Variants in CACNG3 observed in about 807,000 individuals in gnomAD.
The protein encoded by CACNG3 is voltage-dependent calcium channel gamma-3 subunit.
Under a neutral mutation model 28.5 loss-of-function variants are expected in CACNG3, and 3 were observed. The ratio of observed to expected loss-of-function variants is 0.11; its 90% CI spans 0.05 to 0.27. The LOEUF (loss-of-function observed/expected upper bound fraction) is 0.27. Ranked by LOEUF, CACNG3 falls within the 10% of genes least tolerant of loss-of-function variation. The pLI is 1.00. For synonymous variants in CACNG3, 174 were observed against 162.2 expected, an observed-to-expected ratio of 1.07 and a Z score of -0.55; for missense variants, 236 against 414.4, an observed-to-expected ratio of 0.57 and a Z score of 3.74.
chr16:24,331,727 C>A (rs1215585432), intron 1 of CACNG3, among the ~76,000 whole-genome samples: 1 of 152,214 alleles, frequency 6.6e-6, no homozygotes, highest in Non-Finnish European at 1.5e-5. Flanking sequence ...CACTTTCCCC[C>A]TCACTCATTC....
chr16:24,331,612 A>C (rs1320557087), intron 1 of CACNG3, among the ~76,000 whole-genome samples: 2 of 152,156 alleles, frequency 1.3e-5, no homozygotes, highest in Non-Finnish European at 2.9e-5. Context: ...ATGTGCTGAA[A>C]ACCCTCCAAA....
intron 1 of CACNG3, among the ~76,000 whole-genome samples, chr16:24,265,227 G>A (rs546959865): frequency 5.5e-5 from 8 of 144,926 alleles, no homozygotes; most frequent in South Asian, 4.2e-4. Context: ...GGGTGACAGA[G>A]TGAGACTGTG....
chr16:24,326,449 G>A (rs1180462304), intron 1 of CACNG3, among the ~76,000 whole-genome samples: 7 of 152,220 alleles, frequency 4.6e-5, no homozygotes. Flanking sequence ...GGGATTACAG[G>A]CATGAGCCAC....
At position 24,286,725 on chromosome 16, in the gene CACNG3, CA is replaced by C. The variant is rs1898900660; in HGVS notation, c.211+29764del. The stretch of plus-strand genomic sequence containing the variant: ...AGGTGCTATTACCATCCTTATTTTA[CA>C]AAAGTGGAAACTGAGGCCTGGAAAG... On this transcript the variant is annotated intron_variant, in intron 1 of 3. Transcript: ENST00000005284. 5.3e-5 allele frequency among the ~76,000 whole-genome samples: 8 copies of C among 152,174 alleles called. No individual in the cohort carries two copies. The South Asian group carries it at 1.7e-3, about 31-fold the overall frequency.
chr16:24,296,610 C>T (rs755136511), intron 1 of CACNG3, among the ~76,000 whole-genome samples: 1 of 152,190 alleles, frequency 6.6e-6, no homozygotes, highest in Non-Finnish European at 1.5e-5. Flanking sequence ...TTTCTTCCCC[C>T]TCTTCTCTTA....
intron 3 of CACNG3, among the ~76,000 whole-genome samples, chr16:24,357,218 G>A (rs997151700): frequency 2.9e-5 from 4 of 137,654 alleles, no homozygotes; most frequent in Non-Finnish European, 4.6e-5. Flanking sequence ...TGGTGACTGA[G>A]TGACACTCCA....
At chr16:24,332,058 T>A (rs1899637576) in intron 1 of CACNG3, among the ~76,000 whole-genome samples, 1 of 152,238 alleles carries the variant, frequency 6.6e-6, no homozygotes, top group Non-Finnish European at 1.5e-5. Flanking sequence ...GATCTCTCTC[T>A]GGTAGAATAT....
intron 1 of CACNG3, among the ~76,000 whole-genome samples, chr16:24,259,458 T>A (rs1376177426): frequency 6.6e-6 from 1 of 152,206 alleles, no homozygotes; most frequent in East Asian, 1.9e-4. Context: ...ATTTCTTACC[T>A]ACACCTGAGC....
chr16:24,262,938 A>T (rs1898555013), intron 1 of CACNG3, among the ~76,000 whole-genome samples: 1 of 152,224 alleles, frequency 6.6e-6, no homozygotes, highest in Admixed American at 6.5e-5. Context: ...AGAAAAAAAT[A>T]AAACAAGAAC....
chr16:24,257,226 T>G (rs779224539), intron 1 of CACNG3, among the ~76,000 whole-genome samples: 6 of 151,902 alleles, frequency 3.9e-5, no homozygotes, highest in Non-Finnish European at 8.8e-5. Flanking sequence ...TTTAGAAAAG[T>G]CTTCAAATCC....
rs572101072 is a variant in CACNG3, at chr16:24,311,581, C to T, written c.212-35153C>T. Among the ~76,000 whole-genome samples the T allele has an allele frequency of 2.0e-3, 295 of 150,924 alleles. 1 individual carries two copies. Among genetic ancestry groups the T allele is most frequent in the Non-Finnish European group, 1.9e-3 (132 of 67,884 alleles). On this transcript the variant is annotated intron_variant, in intron 1 of 3. Coordinates refer to ENST00000005284, the MANE Select transcript of CACNG3 (RefSeq NM_006539.4). Reference sequence around the variant, plus strand: ...TGATAAAGAAATTAAATGGGCCTGGCGTGGTGGCTTACACCTGTAATCCCA... The same window carrying T: ...TGATAAAGAAATTAAATGGGCCTGGTGTGGTGGCTTACACCTGTAATCCCA...
At chr16:24,285,124 T>C (rs1308085038) in intron 1 of CACNG3, among the ~76,000 whole-genome samples, 1 of 152,156 alleles carries the variant, frequency 6.6e-6, no homozygotes, top group Non-Finnish European at 1.5e-5. Flanking sequence ...TGTTCACTCC[T>C]GTGATTCACA....
intron 1 of CACNG3, among the ~76,000 whole-genome samples, chr16:24,330,984 C>T (rs1332494057): frequency 6.6e-6 from 1 of 152,134 alleles, no homozygotes; most frequent in Non-Finnish European, 1.5e-5. Context: ...TTTTTGTAAA[C>T]ATCAAATATC....
rs193199673 is a variant in CACNG3, at chr16:24,267,231, G to T, written c.211+10266G>T. 7.0e-3 allele frequency among the ~76,000 whole-genome samples: 1,058 copies of T among 152,218 alleles called. 9 individuals carry two copies. Among genetic ancestry groups the T allele is most frequent in the African/African-American group, 0.024 (987 of 41,528 alleles). On this transcript the variant is annotated intron_variant, in intron 1 of 3. Transcript: ENST00000005284. ...TCCGCCCGCCTTGGCCTCTCAAAGT[G>T]CTGGGATTACAGGTTTGAGCCACCG...
chr16:24,257,638 G>T (rs1260604117), intron 1 of CACNG3, among the ~76,000 whole-genome samples: 1 of 151,950 alleles, frequency 6.6e-6, no homozygotes, highest in African/African-American at 2.4e-5. Context: ...TATTAGTTTG[G>T]ATCACAACAA....
chr16:24,320,944 G>A (rs116190743), intron 1 of CACNG3, among the ~76,000 whole-genome samples: 3,343 of 152,048 alleles, frequency 0.022, 110 homozygotes, highest in African/African-American at 0.067. Context: ...TGTTGCCCAG[G>A]TTGGTCTCAA....
intron 1 of CACNG3, among the ~76,000 whole-genome samples, chr16:24,281,543 A>T (rs1898827709): frequency 6.6e-6 from 1 of 152,068 alleles, no homozygotes; most frequent in African/African-American, 2.4e-5. Flanking sequence ...TAACAGCATG[A>T]GTTTCTTTTC....
chr16:24,306,362 A>G (rs925751514), intron 1 of CACNG3, among the ~76,000 whole-genome samples: 7 of 152,250 alleles, frequency 4.6e-5, no homozygotes, highest in Non-Finnish European at 1.0e-4. Context: ...CGGTGGCTTC[A>G]GGAGCAGAAA....
rs149734103 is a variant in CACNG3, at chr16:24,357,406, C to T, written c.436+2433C>T. ...TTTGGGTGGGGACAGAGAGCCAAAC[C>T]ATATCAGAGACTGAACAGAGAAAGC... On this transcript the variant is annotated intron_variant, in intron 3 of 3. Transcript: ENST00000005284. Among the ~76,000 whole-genome samples the T allele has an allele frequency of 3.2e-3, 485 of 152,158 alleles. 2 individuals are homozygous for T. The highest frequency in any genetic ancestry group is 0.011 in the African/African-American group (449 of 41,512).
Sources: allele counts gnomAD v4.1 joint callset (sites outside exome capture counted in the v4.1 genomes callset), GRCh38; gene constraint gnomAD v4.1.1; transcripts MANE v1.5; gene names NCBI Gene and HGNC (gene_info 2026-07-23, HGNC 2026-07-21).